DST: variants seen among roughly 807,000 people sequenced by gnomAD.
DST encodes dystonin.
DST carries 253 observed loss-of-function variants against 875.2 expected under a neutral mutation model. The ratio of observed to expected loss-of-function variants is 0.29; its 90% confidence interval spans 0.26 to 0.32. The LOEUF (loss-of-function observed/expected upper bound fraction) is 0.32, where lower values mean the gene tolerates loss of function less well. Among genes scored for constraint, DST ranks in the 10% least tolerant of loss-of-function variants. DST has a pLI of 1.00. For missense variants in DST, 8,287 were observed against 9,111.6 expected, an observed-to-expected ratio of 0.91 and a Z score of 3.68; for synonymous variants, 3,124 against 3,197.1, an observed-to-expected ratio of 0.98 and a Z score of 0.77.
rs1223395413 is a variant in DST at position 56,650,922 on chromosome 6, T to C, written c.1434+4A>G. 6.3e-7 allele frequency: 1 copy of C among 1,583,112 alleles called. No homozygotes were observed. Among genetic ancestry groups the C allele is most frequent in the South Asian group, 1.1e-5 (1 of 88,906 alleles). On this transcript the variant is annotated splice_donor_region_variant and intron_variant, in intron 12 of 103. Transcript: ENST00000680361. Reference sequence around the variant, plus strand: ...GCTTCCGGTGTGGAAAAATCAATACTCACATTTGCACCAATGCCTTCCCCA... The same window carrying C: ...GCTTCCGGTGTGGAAAAATCAATACCCACATTTGCACCAATGCCTTCCCCA...
In DST at chr6:56,632,028, T is replaced by G; in HGVS notation, c.3818A>C (p.Glu1273Ala). Residue 1273 changes from glutamate (E) to alanine (A), a missense_variant, in exon 29 of 104, where the codon GAA (glutamate) becomes GCA (alanine). Physicochemically the swap from Glu to Ala is moderately radical, Grantham distance 107. This residue lies in a region of DST where 3,138 missense variants were observed against 3,116.6 expected (regional missense o/e 1.01). Coordinates refer to ENST00000680361, the MANE Select transcript of DST (RefSeq NM_001374736.1). ...AGAGATGTAGAGATTATAAACTGAT[T>G]CCTCTTGCTCCTCTGTGAAAATAAA... Reference protein sequence around the residue: ...LKSAEREEQEESVYNLYISEV... With the variant: ...LKSAEREEQEASVYNLYISEV... The G allele has an allele frequency of 1.2e-6, 2 of 1,611,578 alleles. No individual in the cohort carries two copies. The highest frequency in any genetic ancestry group is 1.7e-6 in the Non-Finnish European group (2 of 1,177,806).
At chr6:56,500,247 T>G (rs967037994) in intron 80 of DST, among the ~76,000 whole-genome samples, 2 of 152,114 alleles carry the variant, frequency 1.3e-5, no homozygotes, top group African/African-American at 4.8e-5. Flanking sequence ...ACTCTGAAGA[T>G]ATCACTATTA....
At chr6:56,719,655 C>T (rs111524264) in intron 5 of DST, among the ~76,000 whole-genome samples, 2,023 of 152,312 alleles carry the variant, frequency 0.013, 42 homozygotes, top group African/African-American at 0.046. Context: ...AATTCACCCC[C>T]GACATTTCAC....
At chr6:56,473,512 T>C (rs2095005422) in intron 93 of DST, among the ~76,000 whole-genome samples, 1 of 152,170 alleles carries the variant, frequency 6.6e-6, no homozygotes, top group Non-Finnish European at 1.5e-5. Flanking sequence ...ATTATCCACG[T>C]CATGGTCATT....
chr6:56,657,759 ATTT>A (rs892802285), intron 10 of DST, among the ~76,000 whole-genome samples: 20 of 151,986 alleles, frequency 1.3e-4, no homozygotes, highest in African/African-American at 4.8e-4. Context: ...TCACAATCTA[ATTT>A]TTTTATTATT....
At position 56,605,670 on chromosome 6, in the gene DST, C is replaced by T. The variant is rs1178866881; in HGVS notation, c.8958G>A (p.Met2986Ile). The stretch of plus-strand genomic sequence containing the variant: ...CAAGAGATGAGTCAACTTTTGGTGT[C>T]ATATTCTTAAAATATTCATCTTTAC... ...VKGKDEYFKN[M>I]TPKVDSSLDH... Residue 2986 changes from methionine (M) to isoleucine (I), a missense_variant, in exon 40 of 104, where the codon ATG (methionine) becomes ATA (isoleucine). Physicochemically the swap from Met to Ile is conservative, Grantham distance 10. Around this residue, in one of 10 missense-constraint regions of DST, gnomAD observed 3,138 missense variants for 3,116.6 expected, o/e 1.01. Coordinates refer to ENST00000680361, the MANE Select transcript of DST (RefSeq NM_001374736.1). 6.2e-7 allele frequency: 1 copy of T among 1,612,792 alleles called. No individual in the cohort carries two copies. The highest frequency in any genetic ancestry group is 1.3e-5 in the African/African-American group (1 of 74,852).
At chr6:56,542,287 C>T (rs1246910095) in intron 61 of DST, among the ~76,000 whole-genome samples, 2 of 150,714 alleles carry the variant, frequency 1.3e-5, no homozygotes, top group African/African-American at 4.9e-5. Flanking sequence ...AGGTTTTCTT[C>T]CTGTTTTAAG....
chr6:56,652,281 T>C (rs1460691396), intron 10 of DST, among the ~76,000 whole-genome samples: 2 of 152,176 alleles, frequency 1.3e-5, no homozygotes, highest in African/African-American at 4.8e-5. Context: ...ATTGGAGACT[T>C]CACTCAAGGC....
chr6:56,491,913 A>G (rs2095759336), intron 85 of DST, among the ~76,000 whole-genome samples: 2 of 152,208 alleles, frequency 1.3e-5, no homozygotes, highest in South Asian at 2.1e-4. Flanking sequence ...GGACAAAGAA[A>G]AAGAAAACAA....
chr6:56,690,804 A>C (rs2099223293), intron 9 of DST, among the ~76,000 whole-genome samples: 1 of 152,244 alleles, frequency 6.6e-6, no homozygotes, highest in Non-Finnish European at 1.5e-5. Flanking sequence ...TTCCAACCAA[A>C]GATAATTAAG....
intron 3 of DST, among the ~76,000 whole-genome samples, chr6:56,870,413 T>C (rs556937484): frequency 6.6e-5 from 9 of 136,284 alleles, no homozygotes; most frequent in Admixed American, 5.5e-4. Context: ...ATTTTCACTC[T>C]ATTAAATCTT....
chr6:56,547,915 A>G (rs78891702), intron 61 of DST, among the ~76,000 whole-genome samples: 3,888 of 152,308 alleles, frequency 0.026, 77 homozygotes, highest in Non-Finnish European at 0.043. Context: ...CCTCTGCTCA[A>G]TGTAATTCTA....
intron 4 of DST, among the ~76,000 whole-genome samples, chr6:56,750,937 C>A (rs955566187): frequency 6.6e-6 from 1 of 152,004 alleles, no homozygotes; most frequent in East Asian, 1.9e-4. Context: ...AGGCCCTGTC[C>A]CAAGCATTTA....
chr6:56,853,904 A>C (rs1766565354), intron 3 of DST, among the ~76,000 whole-genome samples: 1 of 152,130 alleles, frequency 6.6e-6, no homozygotes, highest in Non-Finnish European at 1.5e-5. Context: ...AATATATCAT[A>C]GGAAAATATG....
chr6:56,634,479 C>A lies in DST; in HGVS notation c.3477G>T (p.Ala1159=). The A allele has an allele frequency of 6.2e-7, 1 of 1,614,110 alleles. No individual in the cohort carries two copies. The highest frequency in any genetic ancestry group is 2.2e-5 in the East Asian group (1 of 44,876). Residue 1159 remains alanine (A), a synonymous_variant, in exon 26 of 104, where the codon GCG becomes GCT. Coordinates refer to ENST00000680361, the MANE Select transcript of DST (RefSeq NM_001374736.1). ...ATACAAACCTGTTGGCAAGGTCCACCGCTTCTTTGTTTGGTGGAGGAACGG... is the reference window on the plus strand; with the variant it reads ...ATACAAACCTGTTGGCAAGGTCCACAGCTTCTTTGTTTGGTGGAGGAACGG... The part of the protein sequence containing the change: ...CFTVPPPNKE[A]VDLANRIEQQ...
intron 9 of DST, among the ~76,000 whole-genome samples, chr6:56,676,962 A>G (rs2099133767): frequency 6.6e-6 from 1 of 152,212 alleles, no homozygotes; most frequent in Non-Finnish European, 1.5e-5. Context: ...TCTCTTACAC[A>G]ACATAGTGAC....
rs371033457 is a variant in DST, at chr6:56,573,724, C to G, written c.13191G>C (p.Val4397=). 51 of 1,613,612 alleles carry G rather than the reference C, an allele frequency of 3.2e-5. No homozygotes were observed. In the African/African-American group the frequency reaches 5.6e-4, roughly 18 times the overall value. ...CCTGAAGAGCAGTAGAGTTTAAAGG[C>G]ACTTGACCTTGTTCTTTCAGAGAAC... ...VESSLKEQGQ[V]PLNSTALQDI... Residue 4397 remains valine, a synonymous_variant, in exon 51 of 104, where the codon GTG becomes GTC. Coordinates refer to ENST00000680361, the MANE Select transcript of DST (RefSeq NM_001374736.1).
rs1324026930 is a variant in DST, at chr6:56,471,215, T to C, written c.22212A>G (p.Arg7404=). The change falls in exon 95 of 104, where the codon CGA becomes CGG. Residue 7404 remains arginine, a synonymous_variant. Transcript: ENST00000680361. ...DFDIWRKKYM[R]WMNHKKSRVM... ...CTCGAGATTTCTTGTGATTCATCCA[T>C]CGCATGTATTTTTTGCGCCAGATAT... 1.9e-6 allele frequency: 3 copies of C among 1,601,816 alleles called. No individual in the cohort carries two copies. The highest frequency in any genetic ancestry group is 2.3e-5 in the South Asian group (2 of 88,854).
At chr6:56,686,733 AG>A (rs2152851703) in intron 9 of DST, among the ~76,000 whole-genome samples, 1 of 152,326 alleles carries the variant, frequency 6.6e-6, no homozygotes, top group African/African-American at 2.4e-5. Context: ...CTGTGTCTAA[AG>A]GAGAGAAAGA....
Sources: allele counts gnomAD v4.1 joint callset (sites outside exome capture counted in the v4.1 genomes callset), GRCh38; gene constraint gnomAD v4.1.1; regional missense constraint gnomAD v4.1.1; transcripts MANE v1.5; gene names NCBI Gene and HGNC (gene_info 2026-07-23, HGNC 2026-07-21).